The following TMEM260 variants were observed in gnomAD, a reference collection of about 807,000 sequenced individuals.
The protein encoded by TMEM260 is transmembrane protein 260.
In TMEM260, 82 loss-of-function variants were observed where a neutral mutation model predicts 88.9. The observed-to-expected ratio is 0.92, with a 90% CI of 0.77 to 1.11. The LOEUF (loss-of-function observed/expected upper bound fraction) is 1.11. TMEM260 is among the 50% of genes least tolerant of loss of function. TMEM260 has a pLI of 0.00. For missense variants in TMEM260, 902 were observed against 853.4 expected, an observed-to-expected ratio of 1.06 and a Z score of -0.71; for synonymous variants, 314 against 309.3, an observed-to-expected ratio of 1.02 and a Z score of -0.16.
chr14:56,641,470 G>C (rs1323829540), intron 15 of TMEM260, among the ~76,000 whole-genome samples: 1 of 152,196 alleles, frequency 6.6e-6, no homozygotes, highest in African/African-American at 2.4e-5. Flanking sequence ...AATGCTGAGA[G>C]ATTTTGTCAC....
intron 15 of TMEM260, among the ~76,000 whole-genome samples, chr14:56,641,396 C>T (rs1018629619): frequency 2.0e-5 from 3 of 152,224 alleles, no homozygotes; most frequent in South Asian, 2.1e-4. Context: ...CAACCCAGAA[C>T]TTCATATCCA....
chr14:56,632,017 T>C (rs1042711679), intron 12 of TMEM260, among the ~76,000 whole-genome samples: 2 of 152,180 alleles, frequency 1.3e-5, no homozygotes, highest in African/African-American at 4.8e-5. Flanking sequence ...ATGGTAACAC[T>C]ACCAGGTACC....
At chr14:56,592,712 T>C (rs1018355198) in intron 3 of TMEM260, among the ~76,000 whole-genome samples, 2 of 152,248 alleles carry the variant, frequency 1.3e-5, no homozygotes, top group African/African-American at 4.8e-5. Flanking sequence ...TGTAGTCAGC[T>C]GCACTATTTT....
At chr14:56,643,893 A>T (rs926996216) in intron 15 of TMEM260, among the ~76,000 whole-genome samples, 5 of 152,122 alleles carry the variant, frequency 3.3e-5, no homozygotes, top group Admixed American at 6.6e-5. Context: ...TCATGAGTGA[A>T]CTCCCATTCA....
intron 3 of TMEM260, among the ~76,000 whole-genome samples, chr14:56,588,589 A>T (rs957993306): frequency 6.6e-6 from 1 of 151,960 alleles, no homozygotes; most frequent in Non-Finnish European, 1.5e-5. Flanking sequence ...GTTGGCAAGA[A>T]CTCATTTATA....
chr14:56,654,561 G>T (rs1304803824), downstream of TMEM260, among the ~76,000 whole-genome samples: 1 of 140,500 alleles, frequency 7.1e-6, no homozygotes, highest in African/African-American at 3.3e-5. Context: ...GCTCACACCT[G>T]TAATCCCAGC....
chr14:56,604,066 G>A, intron 4 of TMEM260, 74 bp downstream of exon 4: 2 of 1,409,198 alleles, frequency 1.4e-6, no homozygotes, highest in South Asian at 3.0e-5. Flanking sequence ...TTTAACTTTG[G>A]CTTAAATACC....
intron 12 of TMEM260, among the ~76,000 whole-genome samples, chr14:56,630,468 G>T (rs538719471): frequency 6.7e-6 from 1 of 149,998 alleles, no homozygotes; most frequent in Non-Finnish European, 1.5e-5. Context: ...TGTTTAAATT[G>T]TATCTTTTTT....
chr14:56,637,225 T>A (rs1889169580), intron 15 of TMEM260, among the ~76,000 whole-genome samples: 1 of 152,214 alleles, frequency 6.6e-6, no homozygotes, highest in Non-Finnish European at 1.5e-5. Context: ...AATAGGAAAC[T>A]AATATAATAG....
chr14:56,650,293 T>C (rs1360024111), downstream of TMEM260: 3 of 319,600 alleles, frequency 9.4e-6, no homozygotes, highest in Non-Finnish European at 6.1e-6. Context: ...ACTGTCTGAC[T>C]CTCCACATGC....
At chr14:56,627,545 G>A (rs1210037561) in intron 12 of TMEM260, among the ~76,000 whole-genome samples, 1 of 152,112 alleles carries the variant, frequency 6.6e-6, no homozygotes, top group Non-Finnish European at 1.5e-5. Context: ...TTTTGTATAT[G>A]TAGGGTTTTT....
At chr14:56,631,827 T>C (rs910188816) in intron 12 of TMEM260, among the ~76,000 whole-genome samples, 3 of 152,136 alleles carry the variant, frequency 2.0e-5, no homozygotes, top group African/African-American at 7.2e-5. Context: ...TTTCAGGTGT[T>C]TCTATCTATC....
chr14:56,603,870 C>G lies in TMEM260; in HGVS notation c.400C>G (p.Arg134Gly), dbSNP rs149705965. 1.1e-5 allele frequency: 18 copies of G among 1,613,748 alleles called. No homozygotes were observed. In the African/African-American group the frequency reaches 2.4e-4, roughly 22 times the overall value. Residue 134 changes from arginine to glycine, a missense_variant, in exon 4 of 16, where the codon CGT becomes GGT. Coordinates refer to ENST00000261556, the MANE Select transcript of TMEM260 (RefSeq NM_017799.4). ...ILAAGVFSFS[R>G]LTWQWSIAAE... ...TGCTGCGGGGGTGTTTTCATTTTCT[C>G]GTCTAACATGGCAGTGGTCCATTGC...
rs541956539 is a variant in TMEM260, at chr14:56,599,165, C to A, written c.345-4650C>A. On this transcript the variant is annotated intron_variant, in intron 3 of 15. Coordinates refer to ENST00000261556, the MANE Select transcript of TMEM260 (RefSeq NM_017799.4). ...ACCTCCTCCATTAGCTCCCTACTGG[C>A]TTTACTTCCTTTTCTATTCAGTCTA... Among the ~76,000 whole-genome samples, 113 of 152,260 alleles carry A rather than the reference C, an allele frequency of 7.4e-4. 1 individual carries two copies. Among genetic ancestry groups the A allele is most frequent in the African/African-American group, 2.4e-3 (101 of 41,546 alleles).
At position 56,625,426 on chromosome 14, in the gene TMEM260, G is replaced by T. The variant is rs554740348; in HGVS notation, c.1443G>T (p.Leu481Phe). The change falls in exon 12 of 16, where the codon TTG (leucine) becomes TTT (phenylalanine). Residue 481 changes from leucine to phenylalanine, a missense_variant. By Grantham distance (22) the Leu-to-Phe change is conservative. Coordinates refer to ENST00000261556, the MANE Select transcript of TMEM260 (RefSeq NM_017799.4). ...ATTTACCCAAGATGGCAAAGCACTT[G>T]CCAGGTGTCAACTTTCCTGGGAACC... ...EWYLPKMAKH[L>F]PGVNFPGNRW... is the part of the protein sequence containing the mutation. The T allele has an allele frequency of 8.1e-6, 13 of 1,613,808 alleles. No individual in the cohort carries two copies. The Admixed American group carries it at 1.2e-4, about 14-fold the overall frequency.
chr14:56,599,103 T>C (rs917040298), intron 3 of TMEM260, among the ~76,000 whole-genome samples: 1 of 152,082 alleles, frequency 6.6e-6, no homozygotes, highest in Admixed American at 6.6e-5. Context: ...CTGTCTGCGG[T>C]GTAATTGGCA....
At chr14:56,627,560 G>A (rs1232576172) in intron 12 of TMEM260, among the ~76,000 whole-genome samples, 1 of 152,018 alleles carries the variant, frequency 6.6e-6, no homozygotes, top group East Asian at 1.9e-4. Context: ...GTTTTTTGTG[G>A]AGGGGCAGAA....
chr14:56,579,982 C>T lies in TMEM260; in HGVS notation c.68C>T (p.Ser23Phe), dbSNP rs759477476. 3 of 1,244,686 alleles carry T rather than the reference C, an allele frequency of 2.4e-6. No individual in the cohort carries two copies. The highest frequency in any genetic ancestry group is 3.0e-6 in the Non-Finnish European group (3 of 989,104). 77.1% of individuals were successfully genotyped at this position (1,244,686 alleles called of 1,614,324 possible). A position where few individuals can be genotyped will look rare whatever the true frequency, so the allele number is the denominator to read the frequency against. The stretch of plus-strand genomic sequence containing the variant: ...GCAGTCCGAGTGGGGCTGCGGCGCT[C>T]CGGGGGCATCCGCGGCGGCGTGGCG... ...GRAVRVGLRR[S>F]GGIRGGVAVF... The change falls in exon 1 of 16, where the codon TCC becomes TTC. Residue 23 changes from serine to phenylalanine, a missense_variant. By Grantham distance (155) the Ser-to-Phe change is radical. Coordinates refer to ENST00000261556, the MANE Select transcript of TMEM260 (RefSeq NM_017799.4).
At chr14:56,590,135 CATACTT>C (rs1885760979) in intron 3 of TMEM260, among the ~76,000 whole-genome samples, 1 of 152,170 alleles carries the variant, frequency 6.6e-6, no homozygotes, top group Admixed American at 6.5e-5. Flanking sequence ...ATATTTCTCT[CATACTT>C]GTATTAAAAT....
Sources: allele counts gnomAD v4.1 joint callset (sites outside exome capture counted in the v4.1 genomes callset), GRCh38; gene constraint gnomAD v4.1.1; transcripts MANE v1.5; gene names NCBI Gene and HGNC (gene_info 2026-07-23, HGNC 2026-07-21).